MARK2: variants seen among roughly 807,000 people sequenced by gnomAD.
MARK2 encodes the protein microtubule affinity regulating kinase 2, also known as serine/threonine-protein kinase MARK2.
Under a neutral mutation model 89.8 loss-of-function variants are expected in MARK2, and 16 were observed. The observed-to-expected ratio is 0.18, with a 90% CI of 0.12 to 0.27. The LOEUF (loss-of-function observed/expected upper bound fraction) is 0.27. MARK2 is among the 10% of genes least tolerant of loss of function. The pLI is 1.00. For missense variants in MARK2, 621 were observed against 1,049.9 expected, an observed-to-expected ratio of 0.59 and a Z score of 5.65; for synonymous variants, 382 against 399.5, an observed-to-expected ratio of 0.96 and a Z score of 0.52.
At chr11:63,843,392 G>C (rs1306483456) in intron 1 of MARK2, among the ~76,000 whole-genome samples, 1 of 152,162 alleles carries the variant, frequency 6.6e-6, no homozygotes, top group Admixed American at 6.5e-5. Flanking sequence ...AACTATGAGA[G>C]AGGGATTGAG....
At chr11:63,868,263 G>T (rs1229314609) in intron 1 of MARK2, among the ~76,000 whole-genome samples, 1 of 151,906 alleles carries the variant, frequency 6.6e-6, no homozygotes, top group African/African-American at 2.4e-5. Context: ...GTGGTGGTGC[G>T]GGCCTGTAGT....
At chr11:63,856,096 C>T (rs1438644568) in intron 1 of MARK2, among the ~76,000 whole-genome samples, 4 of 152,078 alleles carry the variant, frequency 2.6e-5, no homozygotes, top group Non-Finnish European at 4.4e-5. Flanking sequence ...TTGTCTTGAT[C>T]GGTTGGTTGG....
rs538928060 is a variant in MARK2 at position 63,902,660 on chromosome 11, G to T, written c.1294G>T (p.Ala432Ser). 1 of 1,614,130 alleles carries T rather than the reference G, an allele frequency of 6.2e-7. No homozygotes were observed. The highest frequency in any genetic ancestry group is 2.2e-5 in the East Asian group (1 of 44,878). The change falls in exon 13 of 19, where the codon GCA becomes TCA. Residue 432 changes from alanine to serine, a missense_variant. Physicochemically the swap from Ala to Ser is moderately conservative, Grantham distance 99. This residue lies in a region of MARK2 where 397 missense variants were observed against 567.8 expected (regional missense o/e 0.70). Transcript: ENST00000402010. This position sits in a 1 kb window ranked among gnomAD's most constrained non-coding sequence, Gnocchi z 4.2. ...CTCTAAGAAGACTCAGAGTAACAACGCAGAAAATAAGCGGCCTGAGGAGGA... is the reference window on the plus strand; with the variant it reads ...CTCTAAGAAGACTCAGAGTAACAACTCAGAAAATAAGCGGCCTGAGGAGGA... Reference protein sequence around the residue: ...SYSKKTQSNNAENKRPEEDRE... With the variant: ...SYSKKTQSNNSENKRPEEDRE...
chr11:63,890,386 A>C, intron 1 of MARK2: 2 of 670,652 alleles, frequency 3.0e-6, no homozygotes, highest in South Asian at 1.5e-5. Flanking sequence ...GCAGGGGATC[A>C]AAGAGCAAGC....
At chr11:63,888,764 TG>T in intron 1 of MARK2, 1 of 1,225,144 alleles carries the variant, frequency 8.2e-7, no homozygotes, top group South Asian at 1.4e-5. Flanking sequence ...TCGGCCTGGC[TG>T]CTTAGCTACT....
intron 1 of MARK2, chr11:63,890,365 G>T (rs1047798876): frequency 4.1e-6 from 4 of 982,046 alleles, no homozygotes; most frequent in Non-Finnish European, 5.7e-6. Context: ...AAGGGGGTTG[G>T]TGACTTTGGA....
In MARK2 at chr11:63,870,487, G is replaced by C. The variant is rs550206804; in HGVS notation, c.55-24672G>C. On this transcript the variant is annotated intron_variant, in intron 1 of 18. Transcript: ENST00000402010. The stretch of plus-strand genomic sequence containing the variant: ...GGTGAGGAGTCACTCCGAGAAAAGC[G>C]AGAAGACTCTGACCCCGAGACTTCC... Among the ~76,000 whole-genome samples the C allele has an allele frequency of 5.3e-5, 8 of 152,282 alleles. No individual in the cohort carries two copies. The South Asian group carries it at 1.7e-3, about 32-fold the overall frequency.
intron 3 of MARK2, among the ~76,000 whole-genome samples, chr11:63,896,984 C>G (rs1940462230): frequency 6.6e-6 from 1 of 152,204 alleles, no homozygotes; most frequent in South Asian, 2.1e-4. Context: ...CAACACCAGA[C>G]AAATAGAGCC....
Position 63,909,972 on chromosome 11 carries a change from T to G in MARK2, c.*735T>G, listed in dbSNP as rs1022530272. The G allele has an allele frequency of 2.6e-5, 4 of 152,458 alleles. No individual in the cohort carries two copies. Among genetic ancestry groups the G allele is most frequent in the Non-Finnish European group, 5.9e-5 (4 of 68,228 alleles). 9.4% of individuals were successfully genotyped at this position (152,458 alleles called of 1,614,324 possible). A position where few individuals can be genotyped will look rare whatever the true frequency, so the allele number is the denominator to read the frequency against. On this transcript the variant is annotated 3_prime_UTR_variant, in exon 19 of 19. Transcript: ENST00000402010. ...ACCCTCTGCCCCTCCTCCCCAGAGC[T>G]GGGCATTTCCTTCCACAAGCTGCTG...
At chr11:63,864,107 C>T (rs1937987806) in intron 1 of MARK2, among the ~76,000 whole-genome samples, 1 of 151,994 alleles carries the variant, frequency 6.6e-6, no homozygotes, top group African/African-American at 2.4e-5. Flanking sequence ...GCGCCCGCCA[C>T]CACTCCCGGC....
chr11:63,871,798 A>C (rs368704573), intron 1 of MARK2, among the ~76,000 whole-genome samples: 4 of 45,240 alleles, frequency 8.8e-5, no homozygotes, highest in South Asian at 7.2e-4. Flanking sequence ...GAGTATTCAC[A>C]GTGTGCAGGT....
chr11:63,888,670 C>G, intron 1 of MARK2: 1 of 1,181,762 alleles, frequency 8.5e-7, no homozygotes, highest in South Asian at 1.6e-5. Context: ...GGCTTTGTCC[C>G]TGTTGCTCTC....
At position 63,904,676 on chromosome 11, in the gene MARK2, C is replaced by G; in HGVS notation, c.1677-110C>G. The G allele has an allele frequency of 1.1e-6, 1 of 878,434 alleles. No homozygotes were observed. Among genetic ancestry groups the G allele is most frequent in the African/African-American group, 1.6e-5 (1 of 61,154 alleles). 54.4% of individuals were successfully genotyped at this position (878,434 alleles called of 1,614,324 possible). ...CCTTCTGTGTCCTCGTGATGGCTGCCTCTGCCCTAGCATCCCCCTCCCTGT... is the reference window on the plus strand; with the variant it reads ...CCTTCTGTGTCCTCGTGATGGCTGCGTCTGCCCTAGCATCCCCCTCCCTGT... On this transcript the variant is annotated intron_variant, in intron 15 of 18. Coordinates refer to ENST00000402010, the MANE Select transcript of MARK2 (RefSeq NM_001039469.3). The surrounding 1 kb of genome is among the most constrained non-coding windows in gnomAD (Gnocchi z 6.3).
At chr11:63,886,148 C>T (rs1427285402) in intron 1 of MARK2, among the ~76,000 whole-genome samples, 2 of 150,912 alleles carry the variant, frequency 1.3e-5, no homozygotes, top group Admixed American at 6.6e-5. Flanking sequence ...AAAAAAGAGA[C>T]GAGAGTCTAA....
chr11:63,848,812 C>T lies in MARK2; in HGVS notation c.54+9252C>T, dbSNP rs538744252. On this transcript the variant is annotated intron_variant, in intron 1 of 18. Transcript: ENST00000402010. ...TCCTGACCTCATGATCCACCCACCT[C>T]GGCCTCCCAAAGTGCTGGGATTACA... Among the ~76,000 whole-genome samples, 195 of 152,066 alleles carry T rather than the reference C, an allele frequency of 1.3e-3. 1 individual carries two copies. Among genetic ancestry groups the T allele is most frequent in the African/African-American group, 4.6e-3 (189 of 41,476 alleles).
chr11:63,870,875 G>C (rs1171772970), intron 1 of MARK2, among the ~76,000 whole-genome samples: 1 of 152,170 alleles, frequency 6.6e-6, no homozygotes. Flanking sequence ...GACCTGGGGG[G>C]GTCTGAGAGG....
rs766320990 is a variant in MARK2 at position 63,902,590 on chromosome 11, C to T, written c.1235-11C>T. The T allele has an allele frequency of 2.2e-5, 35 of 1,612,206 alleles. No individual in the cohort carries two copies. Among genetic ancestry groups the T allele is most frequent in the Non-Finnish European group, 2.9e-5 (34 of 1,178,972 alleles). On this transcript the variant is annotated splice_polypyrimidine_tract_variant and intron_variant, in intron 12 of 18. Coordinates refer to ENST00000402010, the MANE Select transcript of MARK2 (RefSeq NM_001039469.3). This position sits in a 1 kb window ranked among gnomAD's most constrained non-coding sequence, Gnocchi z 4.2. ...TTGGCCTTACCCATTCCCATCCTCC[C>T]TCTGGCCCAGCAGCTGGTCCTGCCA... is the stretch of plus-strand genomic sequence containing the variant.
At position 63,856,815 on chromosome 11, in the gene MARK2, TCTCTCTCG is replaced by T. The variant is rs571210661; in HGVS notation, c.54+17271_54+17278del. Among the ~76,000 whole-genome samples the T allele has an allele frequency of 1.4e-3, 178 of 123,194 alleles. 1 individual carries two copies. Among genetic ancestry groups the T allele is most frequent in the Non-Finnish European group, 2.3e-3 (142 of 60,532 alleles). 80.8% of individuals were successfully genotyped at this position (123,194 alleles called of 152,430 possible). A position where few individuals can be genotyped will look rare whatever the true frequency, so the allele number is the denominator to read the frequency against. On this transcript the variant is annotated intron_variant, in intron 1 of 18. Transcript: ENST00000402010. Reference sequence around the variant, plus strand: ...TTTTTTTTTTTTTTTTGAGACAAAGTCTCTCTCGCTCTCTCGCTCTCTCACTCTCTCGC... The same window carrying T: ...TTTTTTTTTTTTTTTTGAGACAAAGTCTCTCTCGCTCTCTCACTCTCTCGC...
intron 1 of MARK2, among the ~76,000 whole-genome samples, chr11:63,889,942 C>T (rs773945974): frequency 5.9e-5 from 9 of 152,172 alleles, no homozygotes; most frequent in African/African-American, 2.2e-4. Context: ...GAGGGGAGAG[C>T]GTGGCTTTTG....
Sources: gnomAD v4.1 joint callset for allele counts (sites outside exome capture counted in the v4.1 genomes callset) on GRCh38, gnomAD v4.1.1 for gene constraint, gnomAD v4.1.1 regional missense constraint, Gnocchi (gnomAD v3.1) non-coding constraint, MANE v1.5 for transcripts, NCBI Gene and HGNC (gene_info 2026-07-23, HGNC 2026-07-21) for gene names.